Variants in SIMC1 observed in about 807,000 individuals in gnomAD.
SIMC1 encodes SUMO interacting motifs containing 1, also known as SUMO-interacting motif-containing protein 1.
In SIMC1, 55 loss-of-function variants were observed where a neutral mutation model predicts 82.3. The observed-to-expected ratio is 0.67, with a 90% CI of 0.54 to 0.84. SIMC1 has a LOEUF of 0.84. Among genes scored for constraint, SIMC1 ranks in the 40% least tolerant of loss-of-function variants. The pLI is 0.00. For synonymous variants in SIMC1, 353 were observed against 426.3 expected, an observed-to-expected ratio of 0.83 and a Z score of 2.12; for missense variants, 915 against 1,107.2, an observed-to-expected ratio of 0.83 and a Z score of 2.46.
At chr5:176,341,792 AC>A (rs1766162527) in intron 9 of SIMC1, among the ~76,000 whole-genome samples, 1 of 151,926 alleles carries the variant, frequency 6.6e-6, no homozygotes, top group African/African-American at 2.4e-5. Context: ...ATAATAATTA[AC>A]TCTTGTATTG....
intron 9 of SIMC1, among the ~76,000 whole-genome samples, chr5:176,337,715 T>C (rs763976741): frequency 2.6e-4 from 40 of 152,320 alleles, no homozygotes; most frequent in Non-Finnish European, 4.7e-4. Flanking sequence ...CTGTGGACAT[T>C]GTAAACATTG....
Position 176,290,257 on chromosome 5 carries a change from C to A in SIMC1, c.733C>A (p.Arg245=). 6.2e-7 allele frequency: 1 copy of A among 1,613,854 alleles called. No homozygotes were observed. Among genetic ancestry groups the A allele is most frequent in the Non-Finnish European group, 8.5e-7 (1 of 1,179,870 alleles). Residue 245 remains arginine, a synonymous_variant, in exon 2 of 10, where the codon CGA becomes AGA. Transcript: ENST00000429602. ...ACCACGAGCCTCCTCATGCCCACCA[C>A]GAGCCTTGTCATGCCCATCACAAAC... is the stretch of plus-strand genomic sequence containing the variant. The part of the protein sequence containing the change: ...CPPRASSCPP[R]ALSCPSQTMQ...
In SIMC1 at chr5:176,277,295, C is replaced by G. The variant is rs370497322; in HGVS notation, c.130-12359C>G. ...CCTTCGCCCACTTTTTGATGGGGTT[C>G]TTTGTTTTTTTCTTGTAAATTTGTT... is the stretch of plus-strand genomic sequence containing the variant. On this transcript the variant is annotated intron_variant, in intron 1 of 9. Transcript: ENST00000429602. Among the ~76,000 whole-genome samples the G allele has an allele frequency of 5.1e-3, 766 of 151,392 alleles. 4 individuals are homozygous for G. Among genetic ancestry groups the G allele is most frequent in the African/African-American group, 0.012 (486 of 41,122 alleles).
chr5:176,314,453 C>A (rs1285089615), intron 5 of SIMC1, among the ~76,000 whole-genome samples: 2 of 152,108 alleles, frequency 1.3e-5, no homozygotes, highest in East Asian at 3.8e-4. Context: ...TAGGGGAAAG[C>A]CTTATATAAA....
chr5:176,345,052 A>T (rs116685099), intron 9 of SIMC1, 131 bp from the exon 10 acceptor site: 21,650 of 1,206,782 alleles, frequency 0.018, 272 homozygotes, highest in Middle Eastern at 0.045. Context: ...AGGCACTCAC[A>T]CAGCCTTCGA....
chr5:176,330,232 C>T (rs1169774569), intron 7 of SIMC1, among the ~76,000 whole-genome samples: 1 of 152,052 alleles, frequency 6.6e-6, no homozygotes, highest in African/African-American at 2.4e-5. Flanking sequence ...GAAACCCTGT[C>T]TCTACTAAAA....
chr5:176,319,203 G>T (rs1413714342), intron 5 of SIMC1, among the ~76,000 whole-genome samples: 1 of 152,158 alleles, frequency 6.6e-6, no homozygotes, highest in Non-Finnish European at 1.5e-5. Context: ...TTCTCTTTTT[G>T]CCAAATGTGC....
At position 176,325,642 on chromosome 5, in the gene SIMC1, C is replaced by T. The variant is rs372659494; in HGVS notation, c.2171+885C>T. ...CGGAGCTTGCAGTGAGCTGAGATGGCGCCACTGCACTCTAGCCTGGGTGAC... is the reference window on the plus strand; with the variant it reads ...CGGAGCTTGCAGTGAGCTGAGATGGTGCCACTGCACTCTAGCCTGGGTGAC... On this transcript the variant is annotated intron_variant, in intron 7 of 9. Coordinates refer to ENST00000429602, the MANE Select transcript of SIMC1 (RefSeq NM_001308195.2). 1.1e-4 allele frequency among the ~76,000 whole-genome samples: 16 copies of T among 152,082 alleles called. No homozygotes were observed. The East Asian group carries it at 1.2e-3, about 11-fold the overall frequency.
chr5:176,331,714 AT>A lies in SIMC1; in HGVS notation c.2172-5005del, dbSNP rs542716674. On this transcript the variant is annotated intron_variant, in intron 7 of 9. Transcript: ENST00000429602. ...CAGATGCAGTTGGCTCATGCCTGTG[AT>A]CCTAGCACTTTGGGAGGCCAAGGTG... is the stretch of plus-strand genomic sequence containing the variant. 2.6e-4 allele frequency among the ~76,000 whole-genome samples: 39 copies of A among 151,816 alleles called. No individual in the cohort carries two copies. The South Asian group carries it at 8.2e-3, about 32-fold the overall frequency.
At chr5:176,328,726 A>G (rs2113385976) in intron 7 of SIMC1, among the ~76,000 whole-genome samples, 1 of 152,290 alleles carries the variant, frequency 6.6e-6, no homozygotes, top group East Asian at 1.9e-4. Flanking sequence ...CTGTATTTTA[A>G]TAAAATAAAG....
At chr5:176,269,993 G>A (rs1762356938) in intron 1 of SIMC1, among the ~76,000 whole-genome samples, 1 of 151,552 alleles carries the variant, frequency 6.6e-6, no homozygotes, top group Non-Finnish European at 1.5e-5. Context: ...CTGAGCTCAA[G>A]AGATCCTCCC....
intron 1 of SIMC1, among the ~76,000 whole-genome samples, chr5:176,289,296 C>G (rs1267853082): frequency 6.6e-6 from 1 of 152,106 alleles, no homozygotes; most frequent in Non-Finnish European, 1.5e-5. Context: ...TGCTTCACTT[C>G]TTATTTAGTT....
chr5:176,317,191 C>T (rs1336524971), intron 5 of SIMC1, among the ~76,000 whole-genome samples: 2 of 152,162 alleles, frequency 1.3e-5, no homozygotes, highest in Non-Finnish European at 1.5e-5. Flanking sequence ...TATCTAAATT[C>T]ATCAAACAAA....
At chr5:176,253,131 A>G (rs114437063) in intron 1 of SIMC1, among the ~76,000 whole-genome samples, 64 of 152,274 alleles carry the variant, frequency 4.2e-4, no homozygotes, top group African/African-American at 1.5e-3. Flanking sequence ...AGACTGTGGA[A>G]AGGGGAGACA....
At chr5:176,259,939 A>G (rs2913302) in intron 1 of SIMC1, among the ~76,000 whole-genome samples, 1 of 151,208 alleles carries the variant, frequency 6.6e-6, no homozygotes, top group Non-Finnish European at 1.5e-5. Context: ...TCCCAATGGG[A>G]TCATGCTAGC....
At chr5:176,280,163 T>C (rs1050957468) in intron 1 of SIMC1, among the ~76,000 whole-genome samples, 56 of 152,304 alleles carry the variant, frequency 3.7e-4, no homozygotes, top group Middle Eastern at 3.4e-3. Context: ...TGCTCCTGTA[T>C]TGGGTGTATA....
At chr5:176,295,785 T>G (rs989901239) in intron 3 of SIMC1, among the ~76,000 whole-genome samples, 1 of 152,224 alleles carries the variant, frequency 6.6e-6, no homozygotes, top group South Asian at 2.1e-4. Flanking sequence ...AGCCTCAGGC[T>G]TTTATGACAC....
chr5:176,278,885 C>G (rs1216710690), intron 1 of SIMC1, among the ~76,000 whole-genome samples: 3 of 151,224 alleles, frequency 2.0e-5, no homozygotes, highest in African/African-American at 7.3e-5. Flanking sequence ...CATCAATGTT[C>G]ATCAAGGATA....
At chr5:176,281,234 G>A (rs1327533359) in intron 1 of SIMC1, among the ~76,000 whole-genome samples, 2 of 152,066 alleles carry the variant, frequency 1.3e-5, no homozygotes, top group African/African-American at 4.8e-5. Context: ...AGCTCCTGAG[G>A]CTTCTGCATG....
Sources: gnomAD v4.1 joint callset for allele counts (sites outside exome capture counted in the v4.1 genomes callset) on GRCh38, gnomAD v4.1.1 for gene constraint, MANE v1.5 for transcripts, NCBI Gene and HGNC (gene_info 2026-07-23, HGNC 2026-07-21) for gene names.